The following TP73 variants were observed in gnomAD, a reference collection of about 807,000 sequenced individuals.
TP73 encodes the protein tumor protein p73.
TP73 carries 25 observed loss-of-function variants against 62.5 expected under a neutral mutation model. The observed-to-expected ratio is 0.40, with a 90% confidence interval of 0.29 to 0.56. TP73 has a LOEUF of 0.56. Among genes scored for constraint, TP73 ranks in the 20% least tolerant of loss-of-function variants. TP73 has a pLI of 0.46. For synonymous variants in TP73, 423 were observed against 377.5 expected, an observed-to-expected ratio of 1.12 and a Z score of -1.40; for missense variants, 754 against 913.3, an observed-to-expected ratio of 0.83 and a Z score of 2.25.
intron 3 of TP73, among the ~76,000 whole-genome samples, chr1:3,686,183 G>A (rs1220497816): frequency 6.6e-6 from 1 of 152,244 alleles, no homozygotes; most frequent in Non-Finnish European, 1.5e-5. Flanking sequence ...CTCAGCTCGG[G>A]CAGGCACAGT....
At chr1:3,704,685 C>T (rs1486921221) in intron 3 of TP73, among the ~76,000 whole-genome samples, 4 of 152,192 alleles carry the variant, frequency 2.6e-5, no homozygotes, top group Admixed American at 6.5e-5. Flanking sequence ...GGCCCGTGGT[C>T]GTAAGCAGGT....
chr1:3,696,030 C>T lies in TP73; in HGVS notation c.187-11519C>T, dbSNP rs537882762. 2.0e-5 allele frequency among the ~76,000 whole-genome samples: 3 copies of T among 152,296 alleles called. No individual in the cohort carries two copies. In the East Asian group the frequency reaches 5.8e-4, roughly 29 times the overall value. ...GTCGGCCGTGGCTGTGTTGGAGATG[C>T]CCGGCAGCCATTGCATAGCTGAGAA... On this transcript the variant is annotated intron_variant, in intron 3 of 13. Coordinates refer to ENST00000378295, the MANE Select transcript of TP73 (RefSeq NM_005427.4). The surrounding 1 kb of genome is among the most constrained non-coding windows in gnomAD (Gnocchi z 4.1).
At chr1:3,680,047 C>G (rs1645484476) in intron 1 of TP73, among the ~76,000 whole-genome samples, 1 of 151,884 alleles carries the variant, frequency 6.6e-6, no homozygotes, top group African/African-American at 2.4e-5. Context: ...CTTCCTGTCT[C>G]TATCCCTGTC....
chr1:3,690,001 A>G (rs1027581574), intron 3 of TP73, among the ~76,000 whole-genome samples: 1 of 152,176 alleles, frequency 6.6e-6, no homozygotes, highest in Non-Finnish European at 1.5e-5. Context: ...GCGGGGCACC[A>G]CTGCAGAGCC....
At position 3,678,352 on chromosome 1, in the gene TP73, C is replaced by T. The variant is rs74703609; in HGVS notation, c.-33-3981C>T. ...AGGGCACATACTCCCCCTGCCCCAG[C>T]GCAGCGTCCCTGCACCCCCAACAGA... On this transcript the variant is annotated intron_variant, in intron 1 of 13. Coordinates refer to ENST00000378295, the MANE Select transcript of TP73 (RefSeq NM_005427.4). 1.1e-4 allele frequency among the ~76,000 whole-genome samples: 17 copies of T among 152,354 alleles called. No individual in the cohort carries two copies. The East Asian group carries it at 1.4e-3, about 12-fold the overall frequency.
intron 1 of TP73, among the ~76,000 whole-genome samples, chr1:3,678,131 A>G (rs1290639440): frequency 6.6e-6 from 1 of 152,274 alleles, no homozygotes; most frequent in African/African-American, 2.4e-5. Context: ...ATTGATACAC[A>G]TGATTTTTAA....
chr1:3,723,517 G>A (rs778304442), intron 6 of TP73, 48 bp downstream of exon 6: 15 of 1,237,716 alleles, frequency 1.2e-5, no homozygotes, highest in East Asian at 2.4e-5. Context: ...TCAGCTGTAC[G>A]GGTCGGGGGA....
intron 3 of TP73, among the ~76,000 whole-genome samples, chr1:3,695,000 A>G (rs1638500410): frequency 1.3e-5 from 2 of 151,800 alleles, no homozygotes; most frequent in Non-Finnish European, 2.9e-5. Context: ...AATCCCAGCC[A>G]TGCTCTTCAC....
At chr1:3,721,395 C>T (rs896844467) in intron 4 of TP73, among the ~76,000 whole-genome samples, 1 of 152,216 alleles carries the variant, frequency 6.6e-6, no homozygotes. Flanking sequence ...CCACACAGCT[C>T]GGCTGCTCAG....
chr1:3,667,270 C>T (rs1645140145), intron 1 of TP73, among the ~76,000 whole-genome samples: 1 of 152,222 alleles, frequency 6.6e-6, no homozygotes, highest in African/African-American at 2.4e-5. Context: ...CCAGAAGCAG[C>T]CAGCCCTGCC....
intron 1 of TP73, among the ~76,000 whole-genome samples, chr1:3,681,212 C>A (rs1645512259): frequency 6.6e-6 from 1 of 152,214 alleles, no homozygotes; most frequent in Admixed American, 6.5e-5. Context: ...TGGCCTGCAC[C>A]CCCGCTGGCC....
intron 1 of TP73, among the ~76,000 whole-genome samples, chr1:3,655,043 C>T (rs901409877): frequency 6.6e-6 from 1 of 152,216 alleles, no homozygotes; most frequent in African/African-American, 2.4e-5. Flanking sequence ...AAAGTGACAT[C>T]GCGTACACGG....
rs1645049556 is a variant in TP73 at position 3,663,709 on chromosome 1, A to G, written c.-34+11068A>G. 6.6e-6 allele frequency among the ~76,000 whole-genome samples: 1 copy of G among 151,562 alleles called. No individual in the cohort carries two copies. The highest frequency in any genetic ancestry group is 2.1e-4 in the South Asian group (1 of 4,820). ...AGACTCCATCTCAAAAAAAAAAAAA[A>G]AGAAAGAAAGAAAGGATACAGACAT... is the stretch of plus-strand genomic sequence containing the variant. On this transcript the variant is annotated intron_variant, in intron 1 of 13. Coordinates refer to ENST00000378295, the MANE Select transcript of TP73 (RefSeq NM_005427.4). This position sits in a 1 kb window ranked among gnomAD's most constrained non-coding sequence, Gnocchi z 4.7.
chr1:3,715,306 T>G (rs1640501407), intron 4 of TP73, among the ~76,000 whole-genome samples: 1 of 152,088 alleles, frequency 6.6e-6, no homozygotes, highest in Non-Finnish European at 1.5e-5. Flanking sequence ...GCCTCTGCAG[T>G]GCCCAGTCTT....
intron 2 of TP73, 104 bp downstream of exon 2, chr1:3,682,534 GC>G: frequency 1.7e-6 from 2 of 1,153,420 alleles, no homozygotes; most frequent in Non-Finnish European, 2.3e-6. Flanking sequence ...AGGAGGGGTG[GC>G]CCCGGGAGGA....
chr1:3,722,671 GCCTCTCTGCACCTGGCACAGGGGTGGGCA>G (rs756554155), intron 5 of TP73, among the ~76,000 whole-genome samples: 23,873 of 151,088 alleles, frequency 0.16, 3,511 homozygotes, highest in African/African-American at 0.4. Flanking sequence ...ACAGCTGGGC[GCCTCTCTGCACCTGGCACAGGGGTGGGCA>G]CCTCTCTGCA....
At chr1:3,715,770 C>T (rs541995839) in intron 4 of TP73, among the ~76,000 whole-genome samples, 6 of 152,206 alleles carry the variant, frequency 3.9e-5, no homozygotes, top group East Asian at 3.9e-4. Context: ...CTGTGGCCCT[C>T]GTCTCCTACT....
At chr1:3,721,207 C>T (rs187966651) in intron 4 of TP73, among the ~76,000 whole-genome samples, 161 of 152,346 alleles carry the variant, frequency 1.1e-3, no homozygotes, top group African/African-American at 3.6e-3. Context: ...GGCAGCCGGG[C>T]CCTGTGAGGC....
chr1:3,707,490 C>A, intron 3 of TP73, 59 bp from the exon 4 acceptor site: 1 of 1,564,882 alleles, frequency 6.4e-7, no homozygotes, highest in Non-Finnish European at 8.7e-7. Context: ...ACCTCCTAGA[C>A]GGGACAGGAC....
Sources: allele counts gnomAD v4.1 joint callset (sites outside exome capture counted in the v4.1 genomes callset), GRCh38; gene constraint gnomAD v4.1.1; non-coding constraint Gnocchi (gnomAD v3.1); transcripts MANE v1.5; gene names NCBI Gene and HGNC (gene_info 2026-07-23, HGNC 2026-07-21).